The following ATP11C variants were observed in gnomAD, a reference collection of about 807,000 sequenced individuals.
ATP11C encodes the protein phospholipid-transporting ATPase IG.
ATP11C carries 36 observed loss-of-function variants against 97.4 expected under a neutral mutation model. The ratio of observed to expected loss-of-function variants is 0.37; its 90% CI spans 0.28 to 0.49. The LOEUF (loss-of-function observed/expected upper bound fraction) is 0.49, where lower values mean the gene tolerates loss of function less well. ATP11C is among the 20% of genes least tolerant of loss of function. The pLI is 0.98. For missense variants in ATP11C, 730 were observed against 824.6 expected, an observed-to-expected ratio of 0.89 and a Z score of 1.40; for synonymous variants, 275 against 290.9, an observed-to-expected ratio of 0.95 and a Z score of 0.56.
intron 12 of ATP11C, among the ~76,000 whole-genome samples, chrX:139,790,544 TTC>T (rs2082671459): frequency 9.0e-6 from 1 of 110,988 alleles, no homozygotes; most frequent in African/African-American, 3.3e-5. Flanking sequence ...TAAAAATTTT[TTC>T]CCAATAAATT....
chrX:139,918,965 G>A, intron 1 of ATP11C, among the ~76,000 whole-genome samples: 1 of 111,976 alleles, frequency 8.9e-6, no homozygotes, highest in Non-Finnish European at 1.9e-5. Context: ...TATTGGCCGG[G>A]TGCTGTGGCT....
At chrX:139,836,568 A>G (rs1283539058) in intron 1 of ATP11C, among the ~76,000 whole-genome samples, 1 of 111,726 alleles carries the variant, frequency 9.0e-6, no homozygotes, top group Non-Finnish European at 1.9e-5. Flanking sequence ...AGGAGGGAAA[A>G]ATAAATAAAA....
intron 1 of ATP11C, among the ~76,000 whole-genome samples, chrX:139,924,947 G>T (rs973567405): frequency 3.6e-5 from 4 of 111,231 alleles, no homozygotes; most frequent in African/African-American, 6.5e-5. Flanking sequence ...ACTGAGTTCT[G>T]CCAGTGAATC....
chrX:139,757,936 A>G lies in ATP11C; in HGVS notation c.2641-69T>C. On this transcript the variant is annotated intron_variant, in intron 22 of 29. Transcript: ENST00000682941. ...TCAACTTGCTAAACTAAAATGGGAAACTATATTCCAAATAGTTTATAATTA... is the reference window on the plus strand; with the variant it reads ...TCAACTTGCTAAACTAAAATGGGAAGCTATATTCCAAATAGTTTATAATTA... The G allele has an allele frequency of 1.6e-5, 11 of 683,368 alleles. No individual in the cohort carries two copies. In the South Asian group the frequency reaches 3.4e-4, roughly 21 times the overall value. The allele number at this position is 683,368 out of a possible 1,213,427, so 56.3% of individuals were successfully genotyped here. A position where few individuals can be genotyped will look rare whatever the true frequency, so the allele number is the denominator to read the frequency against.
Position 139,727,163 on chromosome X carries a change from T to C in ATP11C, c.*1803A>G, listed in dbSNP as rs1351085504. The C allele has an allele frequency of 8.9e-6, 1 of 112,458 alleles. No individual in the cohort carries two copies. Among genetic ancestry groups the C allele is most frequent in the Non-Finnish European group, 1.9e-5 (1 of 53,204 alleles). 9.3% of individuals were successfully genotyped at this position (112,458 alleles called of 1,213,427 possible). On this transcript the variant is annotated 3_prime_UTR_variant, in exon 30 of 30. Coordinates refer to ENST00000682941, the MANE Select transcript of ATP11C (RefSeq NM_001353812.2). ...TAAACAAGCCTCTCTACTGTGGCTC[T>C]CTTGTCTGTATTCACAGTTCCCATA...
chrX:139,792,364 A>C (rs969006001), intron 12 of ATP11C, among the ~76,000 whole-genome samples: 1 of 111,239 alleles, frequency 9.0e-6, no homozygotes, highest in South Asian at 3.8e-4. Flanking sequence ...ATAATGAACC[A>C]GTAAACATGA....
At chrX:139,808,976 G>A (rs1335032690) in intron 5 of ATP11C, among the ~76,000 whole-genome samples, 2 of 110,399 alleles carry the variant, frequency 1.8e-5, no homozygotes, top group Non-Finnish European at 3.8e-5. Context: ...AGCCAGGTGC[G>A]GTGCCACATG....
chrX:139,886,536 G>A (rs941362539), intron 1 of ATP11C, among the ~76,000 whole-genome samples: 5 of 101,458 alleles, frequency 4.9e-5, no homozygotes, highest in African/African-American at 1.9e-4. Context: ...AGTGGAGGTT[G>A]CAGTGAGCTG....
At chrX:139,762,296 G>A (rs758837180) in intron 21 of ATP11C, among the ~76,000 whole-genome samples, 190 bp from the exon 22 acceptor site, 5 of 111,667 alleles carry the variant, frequency 4.5e-5, no homozygotes, top group Non-Finnish European at 7.5e-5. Context: ...AAGTTTAACT[G>A]GTAACTCCCT....
chrX:139,930,269 G>C (rs1045355179), intron 1 of ATP11C, among the ~76,000 whole-genome samples: 1 of 109,544 alleles, frequency 9.1e-6, no homozygotes, highest in Admixed American at 9.9e-5. Context: ...TTAATTACTA[G>C]ACTCTGATAC....
Position 139,931,917 on chromosome X carries a change from G to A in ATP11C, c.27+99C>T, listed in dbSNP as rs2085442028. 1.2e-5 allele frequency: 12 copies of A among 975,527 alleles called. No homozygotes were observed. The South Asian group carries it at 1.6e-4, about 13-fold the overall frequency. 80.4% of individuals were successfully genotyped at this position (975,527 alleles called of 1,213,427 possible). A position where few individuals can be genotyped will look rare whatever the true frequency, so the allele number is the denominator to read the frequency against. On this transcript the variant is annotated intron_variant, in intron 1 of 29. Transcript: ENST00000682941. ...AAGAGGGGTGGTGGTGTCTCCCAGAGACGTAACTGCCCCCTCAGAAAATTG... is the reference window on the plus strand; with the variant it reads ...AAGAGGGGTGGTGGTGTCTCCCAGAAACGTAACTGCCCCCTCAGAAAATTG...
chrX:139,761,939 T>G, intron 22 of ATP11C, 22 bp downstream of exon 22: 1 of 1,065,284 alleles, frequency 9.4e-7, no homozygotes, highest in Non-Finnish European at 1.3e-6. Context: ...AGAAATTAAA[T>G]TACATATATT....
chrX:139,733,525 C>T (rs1238717233), intron 28 of ATP11C, among the ~76,000 whole-genome samples: 3 of 112,396 alleles, frequency 2.7e-5, no homozygotes, highest in African/African-American at 9.7e-5. Flanking sequence ...TTGACAACTA[C>T]ATTTTTTCTT....
At chrX:139,829,806 T>C (rs1173246060) in intron 1 of ATP11C, among the ~76,000 whole-genome samples, 2 of 111,355 alleles carry the variant, frequency 1.8e-5, no homozygotes, top group African/African-American at 6.5e-5. Context: ...AATCAACCTT[T>C]TGTACTCCTA....
At chrX:139,793,485 A>G (rs1364545145) in intron 12 of ATP11C, among the ~76,000 whole-genome samples, 3 of 111,323 alleles carry the variant, frequency 2.7e-5, no homozygotes, top group Non-Finnish European at 5.7e-5. Flanking sequence ...GCTGTAGGGT[A>G]GAAAAGGCTC....
At chrX:139,913,645 C>A (rs2085110596) in intron 1 of ATP11C, among the ~76,000 whole-genome samples, 1 of 111,183 alleles carries the variant, frequency 9.0e-6, no homozygotes, top group Non-Finnish European at 1.9e-5. Flanking sequence ...CACCTTGTGT[C>A]CCCCGCCCCT....
intron 1 of ATP11C, among the ~76,000 whole-genome samples, chrX:139,903,705 G>C (rs1288126907): frequency 9.1e-6 from 1 of 110,227 alleles, no homozygotes; most frequent in Non-Finnish European, 1.9e-5. Context: ...TGCAAACCGG[G>C]AAGAGTGCCC....
intron 23 of ATP11C, 51 bp from the exon 24 acceptor site, chrX:139,750,203 C>G (rs2081783710): frequency 9.0e-7 from 1 of 1,110,447 alleles, no homozygotes. Flanking sequence ...TAACAATCAT[C>G]TACAAGATGA....
chrX:139,895,659 A>G (rs1045167143), intron 1 of ATP11C, among the ~76,000 whole-genome samples: 6 of 111,810 alleles, frequency 5.4e-5, no homozygotes, highest in African/African-American at 1.9e-4. Flanking sequence ...GTAATGATCA[A>G]ATCAGAGTAA....
Sources: gnomAD v4.1 joint callset for allele counts (sites outside exome capture counted in the v4.1 genomes callset) on GRCh38, gnomAD v4.1.1 for gene constraint, MANE v1.5 for transcripts, NCBI Gene and HGNC (gene_info 2026-07-23, HGNC 2026-07-21) for gene names.